The following CDHR3 variants were observed in gnomAD, a reference collection of about 807,000 sequenced individuals.
CDHR3 encodes cadherin-related family member 3.
CDHR3 carries 79 observed loss-of-function variants against 86.6 expected under a neutral mutation model. The observed-to-expected ratio is 0.91, with a 90% CI of 0.76 to 1.10. CDHR3 has a LOEUF of 1.10. Ranked by LOEUF, CDHR3 falls within the 50% of genes least tolerant of loss-of-function variation. The pLI, the probability that CDHR3 is intolerant of heterozygous loss-of-function variation, is 0.00. For synonymous variants in CDHR3, 421 were observed against 402.4 expected, an observed-to-expected ratio of 1.05 and a Z score of -0.55; for missense variants, 1,081 against 1,077.6, an observed-to-expected ratio of 1.00 and a Z score of -0.04.
At chr7:106,026,899 G>A (rs922798642) in intron 16 of CDHR3, among the ~76,000 whole-genome samples, 3 of 152,162 alleles carry the variant, frequency 2.0e-5, no homozygotes, top group Admixed American at 1.3e-4. Context: ...GGCCTGCCTG[G>A]ATATCTCAAT....
rs1430396979 is a variant in CDHR3, at chr7:106,030,373, A to T, written c.2305-419A>T. Among the ~76,000 whole-genome samples the T allele has an allele frequency of 6.6e-6, 1 of 152,176 alleles. No individual in the cohort carries two copies. Among genetic ancestry groups the T allele is most frequent in the Non-Finnish European group, 1.5e-5 (1 of 68,022 alleles). On this transcript the variant is annotated intron_variant, in intron 17 of 18. Coordinates refer to ENST00000317716, the MANE Select transcript of CDHR3 (RefSeq NM_152750.5). The surrounding 1 kb of genome is among the most constrained non-coding windows in gnomAD (Gnocchi z 4.8). ...GACACCTGGGAGCTCACCTGTGTCC[A>T]CCTTGACAATGCCTGACAGCAATTC...
chr7:105,988,923 G>A (rs1435939669), intron 4 of CDHR3, among the ~76,000 whole-genome samples: 1 of 152,034 alleles, frequency 6.6e-6, no homozygotes, highest in Non-Finnish European at 1.5e-5. Flanking sequence ...TTCCATACTC[G>A]GTGTCCAAAC....
chr7:106,018,192 T>C (rs1218183749), intron 12 of CDHR3, 120 bp downstream of exon 12: 2 of 732,502 alleles, frequency 2.7e-6, no homozygotes, highest in African/African-American at 3.6e-5. Context: ...CCTGCGGATG[T>C]GGTGAGAAAC....
chr7:105,991,111 A>G (rs949107684), intron 4 of CDHR3, among the ~76,000 whole-genome samples: 6 of 152,358 alleles, frequency 3.9e-5, no homozygotes, highest in African/African-American at 1.2e-4. Flanking sequence ...TTTCTTAGCC[A>G]GGACTGGGGG....
At chr7:105,971,051 G>GA (rs1251444732) in intron 1 of CDHR3, among the ~76,000 whole-genome samples, 1 of 151,162 alleles carries the variant, frequency 6.6e-6, no homozygotes, top group Non-Finnish European at 1.5e-5. Context: ...TGAGGCAGGA[G>GA]AATGGCGTGA....
rs999494718 is a variant in CDHR3, at chr7:106,032,784, G to T, written c.*87G>T. ...GATGGTGTGGGCATGGTGTAGGGGGGAAAATGTGGGCTGAGGGGATTCAGA... is the reference window on the plus strand; with the variant it reads ...GATGGTGTGGGCATGGTGTAGGGGGTAAAATGTGGGCTGAGGGGATTCAGA... On this transcript the variant is annotated 3_prime_UTR_variant, in exon 19 of 19. Transcript: ENST00000317716. 12 of 1,366,464 alleles carry T rather than the reference G, an allele frequency of 8.8e-6. No individual in the cohort carries two copies. The highest frequency in any genetic ancestry group is 9.8e-6 in the Non-Finnish European group (10 of 1,016,308). 84.6% of individuals were successfully genotyped at this position (1,366,464 alleles called of 1,614,324 possible).
At chr7:106,016,064 T>C (rs377293810) in intron 11 of CDHR3, 39 bp downstream of exon 11, 6 of 1,362,296 alleles carry the variant, frequency 4.4e-6, no homozygotes, top group African/African-American at 4.3e-5. Context: ...GTGCTGTCAA[T>C]GGACTCCATC....
chr7:105,995,621 A>T (rs1009998483), intron 5 of CDHR3, among the ~76,000 whole-genome samples: 3 of 152,174 alleles, frequency 2.0e-5, no homozygotes, highest in Non-Finnish European at 2.9e-5. Flanking sequence ...GTAAAGGATT[A>T]TGCCCTTATC....
At chr7:106,002,229 A>G (rs993958594) in intron 7 of CDHR3, among the ~76,000 whole-genome samples, 2 of 152,254 alleles carry the variant, frequency 1.3e-5, no homozygotes, top group African/African-American at 2.4e-5. Context: ...CTATAAAAAA[A>G]GACAGATTAA....
chr7:106,024,584 C>A (rs1288102871), intron 15 of CDHR3, 22 bp downstream of exon 15: 14 of 1,610,188 alleles, frequency 8.7e-6, no homozygotes, highest in Non-Finnish European at 1.1e-5. Flanking sequence ...GTGGGCTGGG[C>A]CCTCTTCCCC....
At chr7:106,029,284 T>G (rs1436223005) in intron 17 of CDHR3, among the ~76,000 whole-genome samples, 1 of 152,022 alleles carries the variant, frequency 6.6e-6, no homozygotes, top group African/African-American at 2.4e-5. Flanking sequence ...CCCAGCTGAT[T>G]TAAACTTTCT....
At chr7:106,024,254 C>G (rs1837017128) in intron 14 of CDHR3, 127 bp from the exon 15 acceptor site, 2 of 779,456 alleles carry the variant, frequency 2.6e-6, no homozygotes, top group African/African-American at 3.5e-5. Context: ...ACTGTGAGCA[C>G]ACAGATGTCC....
rs1466830829 is a variant in CDHR3 at position 106,026,695 on chromosome 7, G to C, written c.2272G>C (p.Glu758Gln). 4.3e-6 allele frequency: 7 copies of C among 1,613,864 alleles called. No homozygotes were observed. The highest frequency in any genetic ancestry group is 5.9e-6 in the Non-Finnish European group (7 of 1,179,756). Reference protein sequence around the residue: ...KNKEPLTKKGETKTAERDVVV... With the variant: ...KNKEPLTKKGQTKTAERDVVV... ...TTCCCCCCATAGGACAAAGAAAGGA[G>C]GTATGTACAGTACCTGTTTCCCTTG... Residue 758 changes from glutamate to glutamine, a missense_variant and splice_region_variant, in exon 16 of 19, where the codon GAA becomes CAA. Transcript: ENST00000317716.
chr7:106,020,048 TGG>T (rs58623553), intron 12 of CDHR3, among the ~76,000 whole-genome samples: 27,255 of 148,372 alleles, frequency 0.18, 2,595 homozygotes, highest in Middle Eastern at 0.24. Flanking sequence ...TGTGTGTGTG[TGG>T]GGGGGGGGCA....
rs539661927 is a variant in CDHR3, at chr7:106,017,564, GACACACACAC to G, written c.1427-246_1427-237del. On this transcript the variant is annotated intron_variant, in intron 11 of 18. Coordinates refer to ENST00000317716, the MANE Select transcript of CDHR3 (RefSeq NM_152750.5). Reference sequence around the variant, plus strand: ...ACAGAGTGAGACTCCGTCACACACAGACACACACACACACACACACACACACACACACACA... The same window carrying G: ...ACAGAGTGAGACTCCGTCACACACAGACACACACACACACACACACACACA... Among the ~76,000 whole-genome samples, 717 of 130,632 alleles carry G rather than the reference GACACACACAC, an allele frequency of 5.5e-3. 4 individuals are homozygous for G. The highest frequency in any genetic ancestry group is 5.9e-3 in the South Asian group (23 of 3,916). The allele number at this position is 130,632 out of a possible 152,430, so 85.7% of individuals were successfully genotyped here.
At chr7:105,990,660 C>A (rs528512899) in intron 4 of CDHR3, among the ~76,000 whole-genome samples, 1 of 152,130 alleles carries the variant, frequency 6.6e-6, no homozygotes, top group Non-Finnish European at 1.5e-5. Flanking sequence ...ACTCAGCCTG[C>A]GGTGGCCTGG....
intron 15 of CDHR3, among the ~76,000 whole-genome samples, chr7:106,024,852 C>T (rs1157251689): frequency 6.6e-6 from 1 of 152,150 alleles, no homozygotes; most frequent in African/African-American, 2.4e-5. Flanking sequence ...GATGACCTTG[C>T]CCTGGATAAA....
At chr7:105,995,476 AAG>A (rs1475236267) in intron 5 of CDHR3, among the ~76,000 whole-genome samples, 1 of 152,126 alleles carries the variant, frequency 6.6e-6, no homozygotes, top group Admixed American at 6.5e-5. Flanking sequence ...TCTTGCAAGG[AAG>A]AGTCTTTGAT....
Position 106,032,426 on chromosome 7 carries a change from CTG to C in CDHR3, c.2388_2389del (p.Gly797SerfsTer45). The C allele has an allele frequency of 6.2e-7, 1 of 1,611,308 alleles. No homozygotes were observed. The highest frequency in any genetic ancestry group is 8.5e-7 in the Non-Finnish European group (1 of 1,177,948). On this transcript the variant is annotated frameshift_variant, in exon 19 of 19. Coordinates refer to ENST00000317716, the MANE Select transcript of CDHR3 (RefSeq NM_152750.5). LOFTEE classifies it high-confidence loss of function. The stretch of plus-strand genomic sequence containing the variant: ...GAAACATATGAATTCAACTCAAAAA[CTG>C]GAGCCAGAAAGTGGAAAGATCCACT...
Sources: allele counts gnomAD v4.1 joint callset (sites outside exome capture counted in the v4.1 genomes callset), GRCh38; gene constraint gnomAD v4.1.1; non-coding constraint Gnocchi (gnomAD v3.1); transcripts MANE v1.5; gene names NCBI Gene and HGNC (gene_info 2026-07-23, HGNC 2026-07-21).